Variants in GRID2 observed in about 807,000 individuals in gnomAD.
GRID2 encodes the protein glutamate receptor ionotropic, delta-2.
GRID2 carries 33 observed loss-of-function variants against 114.8 expected under a neutral mutation model. The ratio of observed to expected loss-of-function variants is 0.29; its 90% CI spans 0.22 to 0.38. The LOEUF is 0.38. Ranked by LOEUF, GRID2 falls within the 10% of genes least tolerant of loss-of-function variation. The pLI, the probability that GRID2 is intolerant of heterozygous loss-of-function variation, is 1.00. For synonymous variants in GRID2, 505 were observed against 449.9 expected (o/e 1.12, Z -1.55); for missense variants, 1,184 against 1,257.7 (o/e 0.94, Z 0.89).
intron 4 of GRID2, among the ~76,000 whole-genome samples, chr4:93,137,532 G>A (rs866463185): frequency 6.6e-6 from 1 of 152,196 alleles, no homozygotes; most frequent in South Asian, 2.1e-4. Flanking sequence ...TATCTATTTA[G>A]TGAAGCAAGT....
chr4:92,600,024 ATGTGTGTGTGTGTGTGTG>A (rs145357264), intron 2 of GRID2, among the ~76,000 whole-genome samples: 1 of 79,686 alleles, frequency 1.3e-5, no homozygotes, highest in African/African-American at 5.6e-5. Context: ...TACTTCATGT[ATGTGTGTGTGTGTGTGTG>A]TGTATATATA....
At chr4:92,904,325 TATAA>T (rs1178312666) in intron 2 of GRID2, among the ~76,000 whole-genome samples, 1 of 149,964 alleles carries the variant, frequency 6.7e-6, no homozygotes, top group African/African-American at 2.4e-5. Flanking sequence ...TAATACCTTA[TATAA>T]ATAAATAATA....
At chr4:92,776,677 T>G (rs961246659) in intron 2 of GRID2, among the ~76,000 whole-genome samples, 7 of 152,146 alleles carry the variant, frequency 4.6e-5, no homozygotes, top group Non-Finnish European at 7.3e-5. Flanking sequence ...AAATGTTGCC[T>G]CATTCCTCTG....
At chr4:93,222,193 C>T (rs1397340117) in intron 6 of GRID2, among the ~76,000 whole-genome samples, 1 of 151,946 alleles carries the variant, frequency 6.6e-6, no homozygotes, top group Non-Finnish European at 1.5e-5. Flanking sequence ...AGTCCCCATC[C>T]AGGAGGAATT....
At chr4:93,169,107 T>TTA (rs1738543996) in intron 4 of GRID2, among the ~76,000 whole-genome samples, 1 of 151,270 alleles carries the variant, frequency 6.6e-6, no homozygotes, top group Non-Finnish European at 1.5e-5. Context: ...GAAAGTTATA[T>TTA]TATTCTTCCA....
intron 1 of GRID2, among the ~76,000 whole-genome samples, chr4:92,454,831 G>A (rs569684001): frequency 3.3e-5 from 5 of 152,082 alleles, no homozygotes; most frequent in African/African-American, 1.2e-4. Context: ...GCGAGACTCC[G>A]TCTCAAAAGA....
rs1044343608 is a variant in GRID2 at position 93,772,939 on chromosome 4, C to T, written c.*441C>T. On this transcript the variant is annotated 3_prime_UTR_variant, in exon 16 of 16. Coordinates refer to ENST00000282020, the MANE Select transcript of GRID2 (RefSeq NM_001510.4). ...TCTTCTGCTGCATCCATACAATGCT[C>T]CACTGCTGTTGAGTGTCCTTTAACT... The T allele has an allele frequency of 6.4e-6, 1 of 155,966 alleles. No homozygotes were observed. The highest frequency in any genetic ancestry group is 6.4e-5 in the Admixed American group (1 of 15,678). 9.7% of individuals were successfully genotyped at this position (155,966 alleles called of 1,614,324 possible).
At chr4:93,015,605 A>G (rs1578756660) in intron 2 of GRID2, among the ~76,000 whole-genome samples, 1 of 152,162 alleles carries the variant, frequency 6.6e-6, no homozygotes, top group Non-Finnish European at 1.5e-5. Flanking sequence ...TGATTTATAT[A>G]TGCTATTAAT....
At chr4:93,157,608 A>G (rs1001126224) in intron 4 of GRID2, among the ~76,000 whole-genome samples, 6 of 151,744 alleles carry the variant, frequency 4.0e-5, no homozygotes, top group Admixed American at 1.3e-4. Context: ...TGATACATGC[A>G]TGTTCTATCA....
intron 9 of GRID2, among the ~76,000 whole-genome samples, chr4:93,403,782 T>C (rs1039394919): frequency 6.6e-6 from 1 of 152,134 alleles, no homozygotes; most frequent in African/African-American, 2.4e-5. Context: ...CTGGTAGGAA[T>C]GTAAAATGGT....
intron 4 of GRID2, among the ~76,000 whole-genome samples, chr4:93,176,543 G>T (rs1739360020): frequency 6.6e-6 from 1 of 152,152 alleles, no homozygotes; most frequent in South Asian, 2.1e-4. Flanking sequence ...GAGGTTCCTA[G>T]TGGGAGAAGT....
chr4:93,069,065 C>A (rs940459957), intron 2 of GRID2, among the ~76,000 whole-genome samples: 1 of 151,882 alleles, frequency 6.6e-6, no homozygotes, highest in Non-Finnish European at 1.5e-5. Flanking sequence ...CCAAAACTGA[C>A]TCACTATCAC....
chr4:92,936,325 A>T (rs1750669564), intron 2 of GRID2, among the ~76,000 whole-genome samples: 1 of 146,408 alleles, frequency 6.8e-6, no homozygotes, highest in African/African-American at 2.4e-5. Context: ...AAATAGAAAA[A>T]AATTACACTA....
chr4:92,760,943 A>G (rs1737980513), intron 2 of GRID2, among the ~76,000 whole-genome samples: 1 of 152,132 alleles, frequency 6.6e-6, no homozygotes, highest in Non-Finnish European at 1.5e-5. Context: ...AATATGATGT[A>G]ATAGCCTTTA....
chr4:92,649,682 A>T (rs1319496158), intron 2 of GRID2, among the ~76,000 whole-genome samples: 3 of 151,982 alleles, frequency 2.0e-5, no homozygotes, highest in African/African-American at 7.2e-5. Context: ...AAATAAAGAC[A>T]ATAACAAGAT....
intron 2 of GRID2, among the ~76,000 whole-genome samples, chr4:92,746,462 T>C (rs1378670986): frequency 6.6e-6 from 1 of 152,122 alleles, no homozygotes; most frequent in African/African-American, 2.4e-5. Flanking sequence ...GTTTAGTGGC[T>C]ATTGTGTAGG....
chr4:92,736,388 T>C (rs1455720720), intron 2 of GRID2, among the ~76,000 whole-genome samples: 1 of 152,148 alleles, frequency 6.6e-6, no homozygotes, highest in African/African-American at 2.4e-5. Flanking sequence ...TGATTTGAGA[T>C]ATAGCATAAT....
intron 2 of GRID2, among the ~76,000 whole-genome samples, chr4:92,629,020 A>T (rs2149244522): frequency 6.6e-6 from 1 of 152,084 alleles, no homozygotes; most frequent in Non-Finnish European, 1.5e-5. Flanking sequence ...TTTAATCAGA[A>T]ATATCACTTG....
intron 14 of GRID2, among the ~76,000 whole-genome samples, chr4:93,755,164 G>A (rs558066140): frequency 6.6e-6 from 1 of 152,270 alleles, no homozygotes; most frequent in Admixed American, 6.5e-5. Flanking sequence ...CACATAGAAA[G>A]GTAGGCTATT....
Sources: gnomAD v4.1 joint callset for allele counts (sites outside exome capture counted in the v4.1 genomes callset) on GRCh38, gnomAD v4.1.1 for gene constraint, MANE v1.5 for transcripts, NCBI Gene and HGNC (gene_info 2026-07-23, HGNC 2026-07-21) for gene names.